The following CCDC171 variants were observed in gnomAD, a reference collection of about 807,000 sequenced individuals.
CCDC171 encodes coiled-coil domain containing 171.
Under a neutral mutation model 168.2 loss-of-function variants are expected in CCDC171, and 177 were observed. The observed-to-expected ratio is 1.05, with a 90% CI of 0.93 to 1.19. CCDC171 has a LOEUF of 1.19. CCDC171 is among the 50% of genes most tolerant of loss of function. The pLI is 0.00. For synonymous variants in CCDC171, 687 were observed against 540.8 expected, an observed-to-expected ratio of 1.27 and a Z score of -3.75; for missense variants, 1,991 against 1,539.0, an observed-to-expected ratio of 1.29 and a Z score of -4.91.
chr9:15,787,530 T>C (rs976251032), intron 21 of CCDC171, among the ~76,000 whole-genome samples: 5 of 152,150 alleles, frequency 3.3e-5, no homozygotes, highest in East Asian at 1.9e-4. Flanking sequence ...TCTTCCTTTT[T>C]TTCTCTTCTG....
intron 9 of CCDC171, among the ~76,000 whole-genome samples, chr9:15,668,504 A>G (rs1303950806): frequency 6.6e-6 from 1 of 152,206 alleles, no homozygotes; most frequent in African/African-American, 2.4e-5. Context: ...ATGCTTTAAC[A>G]TAATGTCCCT....
chr9:15,821,442 C>A (rs548747895), intron 21 of CCDC171, among the ~76,000 whole-genome samples: 4 of 117,166 alleles, frequency 3.4e-5, no homozygotes, highest in Non-Finnish European at 7.7e-5. Flanking sequence ...AAAACCCCAT[C>A]GTCTCAGCCC....
chr9:15,808,122 TC>T (rs760700718), intron 21 of CCDC171, among the ~76,000 whole-genome samples: 16 of 152,226 alleles, frequency 1.1e-4, no homozygotes, highest in South Asian at 6.2e-4. Context: ...TGCCACTTTT[TC>T]CTTTGTGAAG....
chr9:15,733,997 A>C (rs959712535), intron 16 of CCDC171, among the ~76,000 whole-genome samples: 2 of 151,572 alleles, frequency 1.3e-5, no homozygotes, highest in Non-Finnish European at 2.9e-5. Context: ...CTGGTCTCCA[A>C]CTCCTGGCCT....
intron 1 of CCDC171, among the ~76,000 whole-genome samples, chr9:16,054,068 C>G (rs374619607): frequency 6.6e-6 from 1 of 152,150 alleles, no homozygotes; most frequent in East Asian, 1.9e-4. Context: ...CCTTTTCTTC[C>G]GGGTTCAGCG....
chr9:15,730,196 C>T (rs779805345), intron 16 of CCDC171, among the ~76,000 whole-genome samples: 2 of 151,730 alleles, frequency 1.3e-5, no homozygotes, highest in Non-Finnish European at 2.9e-5. Flanking sequence ...TGTGAACCAT[C>T]ATTTAAATTT....
intron 7 of CCDC171, among the ~76,000 whole-genome samples, chr9:15,642,746 A>G (rs967066334): frequency 1.3e-5 from 2 of 152,112 alleles, no homozygotes; most frequent in Non-Finnish European, 2.9e-5. Flanking sequence ...TTTCATTTAA[A>G]ATGAGAAGTT....
At chr9:16,108,644 T>C in the CCDC171 span, among the ~76,000 whole-genome samples, 1 of 152,236 alleles carries the variant, frequency 6.6e-6, no homozygotes, top group East Asian at 1.9e-4. Context: ...ATGAATATAC[T>C]CAGTCCGAAT....
chr9:15,626,721 T>G (rs935905839), intron 7 of CCDC171, among the ~76,000 whole-genome samples: 26 of 152,222 alleles, frequency 1.7e-4, no homozygotes, highest in African/African-American at 6.0e-4. Context: ...TTTGCCAGTA[T>G]TTTACTGAGG....
rs773383409 is a variant in CCDC171, at chr9:15,819,587, CAAAG to C, written c.3268-27112_3268-27109del. Among the ~76,000 whole-genome samples, 13 of 116,656 alleles carry C rather than the reference CAAAG, an allele frequency of 1.1e-4. 3 individuals carry two copies. Among genetic ancestry groups the C allele is most frequent in the Admixed American group, 7.3e-4 (9 of 12,334 alleles). 76.5% of individuals were successfully genotyped at this position (116,656 alleles called of 152,430 possible). ...TTAAACCAACAAAGATGAAAAGAGA[CAAAG>C]AAGGCCATTACATAATGGTAAAGGG... On this transcript the variant is annotated intron_variant, in intron 21 of 25. Coordinates refer to ENST00000380701, the MANE Select transcript of CCDC171 (RefSeq NM_173550.4).
chr9:15,814,702 T>C (rs994171543), intron 21 of CCDC171, among the ~76,000 whole-genome samples: 1 of 152,032 alleles, frequency 6.6e-6, no homozygotes, highest in Non-Finnish European at 1.5e-5. Context: ...AATTTAAAAA[T>C]ATTTTTGTAT....
At chr9:15,575,028 C>A (rs1473184877) in intron 3 of CCDC171, among the ~76,000 whole-genome samples, 2 of 151,998 alleles carry the variant, frequency 1.3e-5, no homozygotes, top group Non-Finnish European at 2.9e-5. Flanking sequence ...CGTAACAATA[C>A]TGTTGTGGAA....
At chr9:15,900,350 G>T (rs1891210) in intron 24 of CCDC171, among the ~76,000 whole-genome samples, 79,501 of 151,918 alleles carry the variant, frequency 0.52, 21,414 homozygotes, top group East Asian at 0.81. Context: ...CCCTTTAGGG[G>T]CAGAGAGTGA....
At chr9:16,107,482 AC>A in the CCDC171 span, among the ~76,000 whole-genome samples, 1 of 152,168 alleles carries the variant, frequency 6.6e-6, no homozygotes, top group African/African-American at 2.4e-5. Context: ...TACCATTTAC[AC>A]AAGTTCCCCA....
At chr9:15,827,704 C>G (rs1178543172) in intron 21 of CCDC171, among the ~76,000 whole-genome samples, 1 of 152,086 alleles carries the variant, frequency 6.6e-6, no homozygotes, top group East Asian at 1.9e-4. Flanking sequence ...TCCTTTTAAT[C>G]TGATTCAGCT....
At chr9:16,083,744 T>G in the CCDC171 span, among the ~76,000 whole-genome samples, 1 of 152,080 alleles carries the variant, frequency 6.6e-6, no homozygotes, top group Non-Finnish European at 1.5e-5. Flanking sequence ...TGGTGTTAGC[T>G]CCCCTAATGG....
At chr9:15,933,964 T>C (rs1002832519) in intron 25 of CCDC171, among the ~76,000 whole-genome samples, 1 of 152,010 alleles carries the variant, frequency 6.6e-6, no homozygotes, top group African/African-American at 2.4e-5. Context: ...GGAAAGACTC[T>C]ATCAAGACAG....
rs565826168 is a variant in CCDC171, at chr9:15,744,471, A to T, written c.2248A>T (p.Thr750Ser). ...PLYSRSCALS[T>S]QRDFLQEQVN... ...CTATAGCCGATCATGCGCCTTGTCT[A>T]CACAGAGAGATTTTCTCCAGGAGCA... Residue 750 changes from threonine (T) to serine (S), a missense_variant, in exon 17 of 26, where the codon ACA (threonine) becomes TCA (serine). Thr to Ser is a moderately conservative substitution (Grantham distance 58, BLOSUM62 1). Transcript: ENST00000380701. The T allele has an allele frequency of 7.4e-6, 12 of 1,614,184 alleles. No homozygotes were observed. In the South Asian group the frequency reaches 1.3e-4, roughly 18 times the overall value.
intron 2 of CCDC171, among the ~76,000 whole-genome samples, chr9:15,567,794 C>T (rs1478222973): frequency 6.6e-6 from 1 of 151,904 alleles, no homozygotes; most frequent in Non-Finnish European, 1.5e-5. Context: ...GCTAGGACTA[C>T]AGGCATGTAC....
Sources: allele counts gnomAD v4.1 joint callset (sites outside exome capture counted in the v4.1 genomes callset), GRCh38; gene constraint gnomAD v4.1.1; transcripts MANE v1.5; gene names NCBI Gene and HGNC (gene_info 2026-07-23, HGNC 2026-07-21).